Variants in TTC23 observed in about 807,000 individuals in gnomAD.
TTC23 encodes tetratricopeptide repeat protein 23.
TTC23 carries 58 observed loss-of-function variants against 55.1 expected under a neutral mutation model. The observed-to-expected ratio is 1.05, with a 90% CI of 0.85 to 1.31. TTC23 has a LOEUF of 1.31. Ranked by LOEUF, TTC23 falls within the 50% of genes most tolerant of loss-of-function variation. The pLI is 0.00. For missense variants in TTC23, 516 were observed against 534.4 expected (o/e 0.97, Z 0.34); for synonymous variants, 203 against 199.9 (o/e 1.02, Z -0.13).
intron 12 of TTC23, among the ~76,000 whole-genome samples, chr15:99,150,210 G>A (rs922964277): frequency 2.6e-5 from 4 of 152,130 alleles, no homozygotes; most frequent in Non-Finnish European, 5.9e-5. Context: ...CATCTCATTC[G>A]ATCCCTAAAA....
chr15:99,139,824 C>G (rs1242200611), intron 12 of TTC23: 43 of 1,081,172 alleles, frequency 4.0e-5, no homozygotes, highest in Non-Finnish European at 5.2e-5. Flanking sequence ...GCTGTCTATA[C>G]TCTTGACTAC....
Position 99,137,863 on chromosome 15 carries a change from G to T in TTC23, c.*147C>A. On this transcript the variant is annotated 3_prime_UTR_variant, in exon 14 of 14. Coordinates refer to ENST00000394132, the MANE Select transcript of TTC23 (RefSeq NM_001288615.3). ...AAATGTGGCCCACGGGAGGCTTATG[G>T]TCTCACTGTTGCATGTTGGGGCCAA... 1 of 1,307,284 alleles carries T rather than the reference G, an allele frequency of 7.6e-7. No individual in the cohort carries two copies. Among genetic ancestry groups the T allele is most frequent in the Non-Finnish European group, 1.0e-6 (1 of 953,918 alleles). The allele number at this position is 1,307,284 out of a possible 1,614,324, so 81.0% of individuals were successfully genotyped here.
chr15:99,206,573 G>A lies in TTC23; in HGVS notation c.582-6477C>T, dbSNP rs1371054893. ...TCTAGGAACTTATCCATTTATTCTA[G>A]ATTTTCCAGTTTATTACATATTACA... is the stretch of plus-strand genomic sequence containing the variant. On this transcript the variant is annotated intron_variant, in intron 8 of 13. Transcript: ENST00000394132. 2.6e-5 allele frequency among the ~76,000 whole-genome samples: 4 copies of A among 152,132 alleles called. No individual in the cohort carries two copies. The East Asian group carries it at 7.7e-4, about 29-fold the overall frequency.
intron 12 of TTC23, among the ~76,000 whole-genome samples, chr15:99,141,713 A>G (rs1254750558): frequency 2.0e-5 from 3 of 152,206 alleles, no homozygotes; most frequent in Admixed American, 6.5e-5. Flanking sequence ...AAGCAGCCAA[A>G]TGCCTTTGTC....
intron 4 of TTC23, among the ~76,000 whole-genome samples, chr15:99,234,705 T>C (rs1223010318): frequency 6.6e-6 from 1 of 152,034 alleles, no homozygotes; most frequent in African/African-American, 2.4e-5. Context: ...AGACGCTTCA[T>C]CAAAGAAGAT....
upstream of TTC23, chr15:99,251,149 A>C (rs1378336951): frequency 6.6e-6 from 1 of 152,206 alleles, no homozygotes; most frequent in Admixed American, 6.5e-5. Context: ...GAGCCGACTA[A>C]ATTACCCCTT....
intron 12 of TTC23, among the ~76,000 whole-genome samples, chr15:99,154,649 G>A (rs2070297813): frequency 6.6e-6 from 1 of 152,108 alleles, no homozygotes; most frequent in Non-Finnish European, 1.5e-5. Flanking sequence ...CTAATCTCCG[G>A]TAGTGTGAAA....
chr15:99,196,767 G>A (rs1446720036), intron 9 of TTC23, among the ~76,000 whole-genome samples: 1 of 152,094 alleles, frequency 6.6e-6, no homozygotes, highest in Non-Finnish European at 1.5e-5. Flanking sequence ...ACCACAGAGT[G>A]GTCCCTCCAG....
At chr15:99,161,909 G>A in intron 10 of TTC23, 42 bp from the exon 11 acceptor site, 1 of 1,561,642 alleles carries the variant, frequency 6.4e-7, no homozygotes, top group South Asian at 1.2e-5. Context: ...ACTGCTCACA[G>A]ATTTGAAATG....
intron 9 of TTC23, among the ~76,000 whole-genome samples, chr15:99,177,663 T>C (rs1478356035): frequency 2.0e-5 from 3 of 152,244 alleles, no homozygotes; most frequent in Non-Finnish European, 4.4e-5. Flanking sequence ...ACTCATATGA[T>C]GCAAAGACAT....
At chr15:99,152,628 T>C (rs1161285547) in intron 12 of TTC23, among the ~76,000 whole-genome samples, 1 of 152,112 alleles carries the variant, frequency 6.6e-6, no homozygotes, top group Non-Finnish European at 1.5e-5. Flanking sequence ...CAGCTCAGCC[T>C]CCAAAGTGCT....
intron 10 of TTC23, among the ~76,000 whole-genome samples, chr15:99,169,584 A>G (rs2072631039): frequency 6.6e-6 from 1 of 152,150 alleles, no homozygotes; most frequent in Admixed American, 6.5e-5. Flanking sequence ...TAACCCAGTG[A>G]GCAGGGAGTG....
At chr15:99,230,279 A>G (rs1446264776) in intron 4 of TTC23, among the ~76,000 whole-genome samples, 2 of 152,192 alleles carry the variant, frequency 1.3e-5, no homozygotes, top group Admixed American at 6.5e-5. Flanking sequence ...GGCAGATAAG[A>G]TACTGCAGAT....
intron 11 of TTC23, among the ~76,000 whole-genome samples, chr15:99,157,051 G>A (rs910655114): frequency 2.6e-5 from 4 of 151,850 alleles, no homozygotes; most frequent in African/African-American, 9.7e-5. Context: ...AACAGGCACG[G>A]CAGTTAAGAA....
At chr15:99,173,232 T>C (rs2073156561) in intron 10 of TTC23, among the ~76,000 whole-genome samples, 1 of 152,230 alleles carries the variant, frequency 6.6e-6, no homozygotes, top group South Asian at 2.1e-4. Flanking sequence ...AAGTCACGGA[T>C]CCAGCCTTCG....
intron 11 of TTC23, chr15:99,160,670 T>C (rs2071238778): frequency 6.6e-6 from 1 of 152,116 alleles, no homozygotes; most frequent in Non-Finnish European, 1.5e-5. Flanking sequence ...TATATATGTA[T>C]GTATGTATGG....
At chr15:99,218,190 A>G (rs543726076) in intron 8 of TTC23, among the ~76,000 whole-genome samples, 1 of 152,334 alleles carries the variant, frequency 6.6e-6, no homozygotes, top group South Asian at 2.1e-4. Context: ...ATGGATTCAG[A>G]TGTGTTTAAG....
chr15:99,188,178 T>C (rs1291608404), intron 9 of TTC23, among the ~76,000 whole-genome samples: 3 of 152,028 alleles, frequency 2.0e-5, no homozygotes, highest in East Asian at 3.8e-4. Context: ...GAATGAAGAA[T>C]TGATACATGC....
intron 10 of TTC23, 33 bp from the exon 11 acceptor site, chr15:99,161,900 C>T (rs779582173): frequency 9.5e-6 from 15 of 1,573,400 alleles, no homozygotes; most frequent in Non-Finnish European, 1.2e-5. Context: ...ACTTTGAAAA[C>T]TGCTCACAGA....
Sources: allele counts gnomAD v4.1 joint callset (sites outside exome capture counted in the v4.1 genomes callset), GRCh38; gene constraint gnomAD v4.1.1; transcripts MANE v1.5; gene names NCBI Gene and HGNC (gene_info 2026-07-23, HGNC 2026-07-21).